The following RIMS1 variants were observed in gnomAD, a reference collection of about 807,000 sequenced individuals.
RIMS1 encodes the protein regulating synaptic membrane exocytosis 1.
A neutral mutation model predicts 214.1 loss-of-function variants in RIMS1; 83 were observed. The observed-to-expected ratio is 0.39, with a 90% CI of 0.32 to 0.47. RIMS1 has a LOEUF of 0.47. Ranked by LOEUF, RIMS1 falls within the 20% of genes least tolerant of loss-of-function variation. The pLI is 0.99. For missense variants in RIMS1, 2,050 were observed against 2,161.8 expected (o/e 0.95, Z 1.03); for synonymous variants, 793 against 786.8 (o/e 1.01, Z -0.13).
intron 4 of RIMS1, among the ~76,000 whole-genome samples, chr6:72,108,340 T>C (rs1254963661): frequency 6.6e-6 from 1 of 152,172 alleles, no homozygotes; most frequent in Non-Finnish European, 1.5e-5. Flanking sequence ...TCCTCCTGCC[T>C]CTGCCTCCCA....
intron 4 of RIMS1, among the ~76,000 whole-genome samples, chr6:72,143,018 G>C (rs145521040): frequency 6.6e-6 from 1 of 152,004 alleles, no homozygotes; most frequent in Admixed American, 6.6e-5. Flanking sequence ...CCATGTAATC[G>C]TGATCAAAGA....
chr6:72,163,037 G>T (rs1444757930), intron 4 of RIMS1, among the ~76,000 whole-genome samples: 1 of 133,408 alleles, frequency 7.5e-6, no homozygotes, highest in East Asian at 2.0e-4. Flanking sequence ...ATCAGATGTA[G>T]ATTTGGTCTT....
At chr6:72,369,470 C>G (rs1192537927) in intron 29 of RIMS1, among the ~76,000 whole-genome samples, 2 of 152,054 alleles carry the variant, frequency 1.3e-5, no homozygotes, top group Non-Finnish European at 2.9e-5. Flanking sequence ...TGAGAAGTGG[C>G]TAGGCAAGTC....
At chr6:71,970,959 TA>T (rs1259861198) in intron 2 of RIMS1, among the ~76,000 whole-genome samples, 2 of 152,188 alleles carry the variant, frequency 1.3e-5, no homozygotes, top group Admixed American at 6.5e-5. Context: ...TTTAAATTTG[TA>T]ATTTATGATT....
At chr6:72,336,759 T>C (rs919146050) in intron 29 of RIMS1, among the ~76,000 whole-genome samples, 1 of 151,846 alleles carries the variant, frequency 6.6e-6, no homozygotes, top group Non-Finnish European at 1.5e-5. Context: ...AAGTGACAAA[T>C]GTTGATAACC....
At chr6:71,964,080 T>A (rs538116782) in intron 1 of RIMS1, among the ~76,000 whole-genome samples, 1 of 152,188 alleles carries the variant, frequency 6.6e-6, no homozygotes, top group Non-Finnish European at 1.5e-5. Context: ...AATATCTGGA[T>A]GTGGTGAGGG....
At chr6:72,228,198 G>A (rs1039216392) in intron 6 of RIMS1, among the ~76,000 whole-genome samples, 5 of 151,778 alleles carry the variant, frequency 3.3e-5, no homozygotes, top group Admixed American at 1.3e-4. Context: ...AAATTTTTAA[G>A]TATGACACAC....
chr6:72,023,472 C>A (rs1301253609), intron 2 of RIMS1, among the ~76,000 whole-genome samples: 1 of 151,888 alleles, frequency 6.6e-6, no homozygotes, highest in Non-Finnish European at 1.5e-5. Context: ...CTCAAGAAAT[C>A]TAGATTTACA....
chr6:71,888,799 T>A (rs1176745687), intron 1 of RIMS1, among the ~76,000 whole-genome samples: 1 of 152,242 alleles, frequency 6.6e-6, no homozygotes, highest in Non-Finnish European at 1.5e-5. Flanking sequence ...GGTTTCTGAA[T>A]TCCCTGCTCC....
chr6:72,132,457 C>T (rs1587786562), intron 4 of RIMS1, among the ~76,000 whole-genome samples: 1 of 152,038 alleles, frequency 6.6e-6, no homozygotes, highest in Admixed American at 6.6e-5. Context: ...TTGAGGCAGA[C>T]ATTTTTGGAC....
At chr6:72,148,651 C>G in intron 4 of RIMS1, 1 of 456,478 alleles carries the variant, frequency 2.2e-6, no homozygotes, top group Non-Finnish European at 4.4e-6. Flanking sequence ...ATTAGTTATG[C>G]TTAACTATGT....
intron 9 of RIMS1, among the ~76,000 whole-genome samples, chr6:72,242,108 A>G (rs2067205456): frequency 6.6e-6 from 1 of 151,980 alleles, no homozygotes; most frequent in African/African-American, 2.4e-5. Context: ...ATTCTGGGGG[A>G]AAAAAAGAAA....
intron 18 of RIMS1, 71 bp downstream of exon 18, chr6:72,259,182 C>G: frequency 7.6e-7 from 1 of 1,320,150 alleles, no homozygotes; most frequent in Non-Finnish European, 1.1e-6. Context: ...GATATTGTGG[C>G]ATAGCACATT....
At chr6:72,291,309 C>A (rs182972010) in intron 25 of RIMS1, among the ~76,000 whole-genome samples, 8 of 152,228 alleles carry the variant, frequency 5.3e-5, no homozygotes, top group Admixed American at 5.2e-4. Flanking sequence ...AGATGGAAGT[C>A]CGCTTAATCC....
chr6:71,887,045 C>T lies in RIMS1; in HGVS notation c.22C>T (p.Arg8Cys). 6.2e-7 allele frequency: 1 copy of T among 1,613,316 alleles called. No homozygotes were observed. The highest frequency in any genetic ancestry group is 8.5e-7 in the Non-Finnish European group (1 of 1,179,638). MSSAVGP[R>C]GPRPPTVPPP... is the part of the protein sequence containing the mutation. ...GAAAATGTCCTCGGCCGTGGGGCCC[C>T]GCGGTCCTCGCCCACCCACGGTGCC... Residue 8 changes from arginine (R) to cysteine (C), a missense_variant, in exon 1 of 34, where the codon CGC becomes TGC. Arg to Cys is a radical substitution (Grantham distance 180). Around this residue, in one of 6 missense-constraint regions of RIMS1, gnomAD observed 882 missense variants for 828.9 expected, o/e 1.06. Transcript: ENST00000521978.
chr6:72,292,739 A>G (rs2093588357), intron 26 of RIMS1, among the ~76,000 whole-genome samples: 1 of 152,140 alleles, frequency 6.6e-6, no homozygotes, highest in South Asian at 2.1e-4. Flanking sequence ...ATCTTAGTAG[A>G]TGACATGACT....
chr6:71,934,585 A>G, intron 1 of RIMS1, among the ~76,000 whole-genome samples: 1 of 152,178 alleles, frequency 6.6e-6, no homozygotes, highest in East Asian at 1.9e-4. Context: ...CACTAATCAC[A>G]CTAATTGTAG....
chr6:72,331,502 T>C lies in RIMS1; in HGVS notation c.4131-2098T>C, dbSNP rs138024334. 2.0e-3 allele frequency among the ~76,000 whole-genome samples: 309 copies of C among 151,886 alleles called. 8 individuals carry two copies. The East Asian group carries it at 0.054, about 26-fold the overall frequency. On this transcript the variant is annotated intron_variant, in intron 28 of 33. Coordinates refer to ENST00000521978, the MANE Select transcript of RIMS1 (RefSeq NM_014989.7). ...ATGAAATTGACCAAATCCTGACATTTCTGTAGATTCTCCAGCAGAATTCTG... is the reference window on the plus strand; with the variant it reads ...ATGAAATTGACCAAATCCTGACATTCCTGTAGATTCTCCAGCAGAATTCTG...
At chr6:72,143,538 A>G (rs2042335214) in intron 4 of RIMS1, among the ~76,000 whole-genome samples, 1 of 152,210 alleles carries the variant, frequency 6.6e-6, no homozygotes, top group Admixed American at 6.5e-5. Context: ...GCTGTCAGCA[A>G]TGGAATGTGG....
Sources: gnomAD v4.1 joint callset for allele counts (sites outside exome capture counted in the v4.1 genomes callset) on GRCh38, gnomAD v4.1.1 for gene constraint, gnomAD v4.1.1 regional missense constraint, MANE v1.5 for transcripts, NCBI Gene and HGNC (gene_info 2026-07-23, HGNC 2026-07-21) for gene names.